B4GALT6: variants seen among roughly 807,000 people sequenced by gnomAD.
The protein encoded by B4GALT6 is beta-1,4-galactosyltransferase 6.
A neutral mutation model predicts 46.3 loss-of-function variants in B4GALT6; 14 were observed. That is an observed-to-expected ratio of 0.30 (90% confidence interval 0.20 to 0.47). The LOEUF (loss-of-function observed/expected upper bound fraction) is 0.47. B4GALT6 is among the 20% of genes least tolerant of loss of function. The pLI is 0.99. For missense variants in B4GALT6, 386 were observed against 480.1 expected (o/e 0.80, Z 1.83); for synonymous variants, 168 against 162.0 (o/e 1.04, Z -0.28).
upstream of B4GALT6, among the ~76,000 whole-genome samples, chr18:31,689,848 C>T (rs1306389625): frequency 6.6e-6 from 1 of 152,178 alleles, no homozygotes; most frequent in East Asian, 1.9e-4. Context: ...AACCCAGACA[C>T]ACAGGGCACC....
chr18:31,653,919 CATTTTTT>C (rs1291439454), intron 3 of B4GALT6, among the ~76,000 whole-genome samples: 2 of 150,794 alleles, frequency 1.3e-5, no homozygotes, highest in African/African-American at 4.9e-5. Context: ...GCTCCCATCT[CATTTTTT>C]TTTTTTACAA....
intron 4 of B4GALT6, among the ~76,000 whole-genome samples, chr18:31,639,528 T>C (rs2073904293): frequency 6.6e-6 from 1 of 152,188 alleles, no homozygotes; most frequent in African/African-American, 2.4e-5. Context: ...TATTTTTCAT[T>C]TAGTCAAAAT....
rs535074823 is a variant in B4GALT6 at position 31,624,067 on chromosome 18, C to T, written c.*1547G>A. On this transcript the variant is annotated 3_prime_UTR_variant, in exon 9 of 9. Transcript: ENST00000306851. The stretch of plus-strand genomic sequence containing the variant: ...CTAATTTTCAAAAAAGAATACTGTT[C>T]GGCTTTACTGTGGAAAAATTCATCC... 1.3e-5 allele frequency: 2 copies of T among 152,020 alleles called. No individual in the cohort carries two copies. Among genetic ancestry groups the T allele is most frequent in the African/African-American group, 2.4e-5 (1 of 41,524 alleles). The allele number at this position is 152,020 out of a possible 1,614,324, so 9.4% of individuals were successfully genotyped here. A position where few individuals can be genotyped will look rare whatever the true frequency, so the allele number is the denominator to read the frequency against.
chr18:31,699,655 A>C, the B4GALT6 span, among the ~76,000 whole-genome samples: 1 of 151,492 alleles, frequency 6.6e-6, no homozygotes, highest in Non-Finnish European at 1.5e-5. Flanking sequence ...AAAAAAAAAA[A>C]AAACCTGCTA....
intron 5 of B4GALT6, among the ~76,000 whole-genome samples, chr18:31,634,937 G>A (rs1315820975): frequency 6.6e-6 from 1 of 152,150 alleles, no homozygotes; most frequent in Non-Finnish European, 1.5e-5. Flanking sequence ...TGAATTCTCA[G>A]GACCATATGC....
intron 1 of B4GALT6, 28 bp downstream of exon 1, chr18:31,684,284 G>A (rs761576422): frequency 1.9e-6 from 3 of 1,612,534 alleles, no homozygotes. Context: ...TGTGACCAGG[G>A]GAAGCGAGGG....
At chr18:31,677,498 A>AT (rs1430858858) in intron 1 of B4GALT6, among the ~76,000 whole-genome samples, 1 of 152,204 alleles carries the variant, frequency 6.6e-6, no homozygotes, top group African/African-American at 2.4e-5. Flanking sequence ...TGAGGTAAAA[A>AT]TATCTCATTA....
At chr18:31,681,164 T>C (rs561691904) in intron 1 of B4GALT6, among the ~76,000 whole-genome samples, 2 of 152,240 alleles carry the variant, frequency 1.3e-5, no homozygotes, top group African/African-American at 2.4e-5. Flanking sequence ...TTGAATGAAC[T>C]TGTAAGTCAG....
At chr18:31,707,394 T>G in the B4GALT6 span, among the ~76,000 whole-genome samples, 2 of 152,126 alleles carry the variant, frequency 1.3e-5, no homozygotes, top group African/African-American at 4.8e-5. Context: ...TCTTGAAAGA[T>G]GATCATTTTA....
the B4GALT6 span, among the ~76,000 whole-genome samples, chr18:31,722,596 CTG>C: frequency 5.9e-5 from 9 of 152,286 alleles, no homozygotes; most frequent in East Asian, 1.9e-4. Flanking sequence ...ATGAACGTCT[CTG>C]TGACTCCCTC....
At chr18:31,668,090 C>A (rs1219864293) in intron 1 of B4GALT6, among the ~76,000 whole-genome samples, 1 of 148,838 alleles carries the variant, frequency 6.7e-6, no homozygotes, top group Admixed American at 6.7e-5. Context: ...GAGCAAGACT[C>A]CATCTCAAAA....
rs2144447495 is a variant in B4GALT6, at chr18:31,623,182, C to G, written c.*2432G>C. The G allele has an allele frequency of 6.6e-6, 1 of 152,044 alleles. No individual in the cohort carries two copies. Among genetic ancestry groups the G allele is most frequent in the South Asian group, 2.1e-4 (1 of 4,822 alleles). The allele number at this position is 152,044 out of a possible 1,614,324, so 9.4% of individuals were successfully genotyped here. A position where few individuals can be genotyped will look rare whatever the true frequency, so the allele number is the denominator to read the frequency against. On this transcript the variant is annotated 3_prime_UTR_variant, in exon 9 of 9. Coordinates refer to ENST00000306851, the MANE Select transcript of B4GALT6 (RefSeq NM_004775.5). ...CCAAACATCCTATAATTTGCATTTG[C>G]AATGTATTTGTTAATCTTTATGTAA...
chr18:31,711,551 CACAA>C, the B4GALT6 span, among the ~76,000 whole-genome samples: 5 of 152,250 alleles, frequency 3.3e-5, no homozygotes, highest in South Asian at 4.1e-4. Context: ...AAGGATAATG[CACAA>C]ACAATTTTTA....
chr18:31,710,601 A>G, the B4GALT6 span, among the ~76,000 whole-genome samples: 2 of 152,084 alleles, frequency 1.3e-5, no homozygotes, highest in Non-Finnish European at 2.9e-5. Context: ...AGCCTGGACT[A>G]GGCACTCCCT....
chr18:31,721,719 G>A, the B4GALT6 span, among the ~76,000 whole-genome samples: 3 of 152,232 alleles, frequency 2.0e-5, no homozygotes, highest in African/African-American at 7.2e-5. Flanking sequence ...TCTTTCCTGA[G>A]TTCCAGCCTG....
chr18:31,644,915 G>A (rs1315677523), intron 4 of B4GALT6, among the ~76,000 whole-genome samples: 1 of 152,166 alleles, frequency 6.6e-6, no homozygotes, highest in Non-Finnish European at 1.5e-5. Context: ...CCCAATGCCA[G>A]AACAAACTGA....
In B4GALT6 at chr18:31,625,433, C is replaced by T; in HGVS notation, c.*181G>A. 3 of 576,044 alleles carry T rather than the reference C, an allele frequency of 5.2e-6. No individual in the cohort carries two copies. Among genetic ancestry groups the T allele is most frequent in the South Asian group, 5.5e-5 (2 of 36,380 alleles). The allele number at this position is 576,044 out of a possible 1,614,324, so 35.7% of individuals were successfully genotyped here. ...CTCGCCACAGGGGTGTGTCTCAGAG[C>T]AGGGAGGACGGGTGAGAGAAGGGTG... On this transcript the variant is annotated 3_prime_UTR_variant, in exon 9 of 9. Coordinates refer to ENST00000306851, the MANE Select transcript of B4GALT6 (RefSeq NM_004775.5).
At chr18:31,678,957 G>A (rs781125718) in intron 1 of B4GALT6, among the ~76,000 whole-genome samples, 2 of 152,198 alleles carry the variant, frequency 1.3e-5, no homozygotes, top group Admixed American at 6.5e-5. Flanking sequence ...TCCACAGGAC[G>A]GGTTAGGAAA....
At chr18:31,719,624 G>A in the B4GALT6 span, among the ~76,000 whole-genome samples, 1 of 152,200 alleles carries the variant, frequency 6.6e-6, no homozygotes, top group Non-Finnish European at 1.5e-5. Flanking sequence ...AGCTGTGCAG[G>A]AGACCAGAGT....
Sources: gnomAD v4.1 joint callset for allele counts (sites outside exome capture counted in the v4.1 genomes callset) on GRCh38, gnomAD v4.1.1 for gene constraint, MANE v1.5 for transcripts, NCBI Gene and HGNC (gene_info 2026-07-23, HGNC 2026-07-21) for gene names.